Variants in SLIT3 observed in about 807,000 individuals in gnomAD.
The protein encoded by SLIT3 is slit homolog 3 protein.
In SLIT3, 68 loss-of-function variants were observed where a neutral mutation model predicts 184.0. The ratio of observed to expected loss-of-function variants is 0.37; its 90% CI spans 0.30 to 0.45. SLIT3 has a LOEUF of 0.45. Ranked by LOEUF, SLIT3 falls within the 20% of genes least tolerant of loss-of-function variation. The pLI is 1.00. For synonymous variants in SLIT3, 831 were observed against 828.6 expected, an observed-to-expected ratio of 1.00 and a Z score of -0.05; for missense variants, 1,707 against 2,026.0, an observed-to-expected ratio of 0.84 and a Z score of 3.02.
At chr5:168,688,654 T>G (rs1761817049) in intron 29 of SLIT3, among the ~76,000 whole-genome samples, 1 of 152,268 alleles carries the variant, frequency 6.6e-6, no homozygotes, top group Admixed American at 6.5e-5. Flanking sequence ...TCACGTTTAC[T>G]TGATTGGCAA....
chr5:168,817,334 C>T lies in SLIT3; in HGVS notation c.759G>A (p.Val253=), dbSNP rs1757365615. ...MAPVHLRGFN[V]ADVQKKEYVC... Reference sequence around the variant, plus strand: ...CGTACTCCTTCTTCTGCACATCCGCCACGTTGAAGCCCCTCAAATGCACAG... The same window carrying T: ...CGTACTCCTTCTTCTGCACATCCGCTACGTTGAAGCCCCTCAAATGCACAG... The change falls in exon 8 of 36, where the codon GTG becomes GTA. Residue 253 remains valine, a synonymous_variant. Coordinates refer to ENST00000519560, the MANE Select transcript of SLIT3 (RefSeq NM_003062.4). The T allele has an allele frequency of 6.2e-7, 1 of 1,614,060 alleles. No homozygotes were observed. Among genetic ancestry groups the T allele is most frequent in the Non-Finnish European group, 8.5e-7 (1 of 1,180,044 alleles).
At chr5:168,954,740 G>C (rs991925068) in intron 4 of SLIT3, among the ~76,000 whole-genome samples, 1 of 152,172 alleles carries the variant, frequency 6.6e-6, no homozygotes, top group Non-Finnish European at 1.5e-5. Context: ...AGGCAGGAGG[G>C]GGAAGTGGCT....
At chr5:169,254,154 G>GT (rs556413535) in intron 1 of SLIT3, among the ~76,000 whole-genome samples, 3 of 152,208 alleles carry the variant, frequency 2.0e-5, no homozygotes, top group Non-Finnish European at 4.4e-5. Flanking sequence ...TGCATGCTTT[G>GT]TAGGAGCTTT....
Position 169,140,874 on chromosome 5 carries a change from A to G in SLIT3, c.413+52605T>C, listed in dbSNP as rs555099945. Among the ~76,000 whole-genome samples, 2 of 152,262 alleles carry G rather than the reference A, an allele frequency of 1.3e-5. 1 individual carries two copies. Among genetic ancestry groups the G allele is most frequent in the East Asian group, 3.9e-4 (2 of 5,178 alleles). ...CCATTCAAAACCTCAGTGGTTCCTC[A>G]CTGCCTTCTAAATTAAATATAAAAC... is the stretch of plus-strand genomic sequence containing the variant. On this transcript the variant is annotated intron_variant, in intron 4 of 35. Transcript: ENST00000519560.
intron 4 of SLIT3, among the ~76,000 whole-genome samples, chr5:169,148,417 G>A (rs1762002837): frequency 6.6e-6 from 1 of 152,214 alleles, no homozygotes; most frequent in Non-Finnish European, 1.5e-5. Context: ...AGAATAGCCT[G>A]AAAGCTCCAG....
chr5:168,703,342 T>C (rs1306793449), intron 26 of SLIT3, among the ~76,000 whole-genome samples: 2 of 150,976 alleles, frequency 1.3e-5, no homozygotes, highest in South Asian at 2.1e-4. Flanking sequence ...CCCTGGGACA[T>C]GGACTGGTAC....
At chr5:169,133,700 A>G (rs1761389269) in intron 4 of SLIT3, among the ~76,000 whole-genome samples, 1 of 152,200 alleles carries the variant, frequency 6.6e-6, no homozygotes, top group Non-Finnish European at 1.5e-5. Context: ...AACATGGCTG[A>G]GCAAAGCTGT....
chr5:169,072,746 G>C (rs1177496562), intron 4 of SLIT3, among the ~76,000 whole-genome samples: 1 of 152,194 alleles, frequency 6.6e-6, no homozygotes, highest in Non-Finnish European at 1.5e-5. Flanking sequence ...TGCACGGCTG[G>C]AGGCACTGGC....
At chr5:168,735,262 A>G (rs1763395345) in intron 20 of SLIT3, among the ~76,000 whole-genome samples, 1 of 152,172 alleles carries the variant, frequency 6.6e-6, no homozygotes, top group Admixed American at 6.5e-5. Context: ...GGTGTTCCCC[A>G]TTCCTGTTTG....
intron 4 of SLIT3, among the ~76,000 whole-genome samples, chr5:169,189,572 A>G (rs950367901): frequency 4.2e-4 from 38 of 90,584 alleles, no homozygotes; most frequent in African/African-American, 1.6e-3. Flanking sequence ...ATATATATAT[A>G]TATATATGCA....
intron 5 of SLIT3, among the ~76,000 whole-genome samples, chr5:168,852,248 C>T (rs775068096): frequency 1.3e-5 from 2 of 152,186 alleles, no homozygotes; most frequent in African/African-American, 4.8e-5. Context: ...CTTTTGTTAA[C>T]GGGCATGAAA....
chr5:168,708,308 G>T, intron 25 of SLIT3: 1 of 617,288 alleles, frequency 1.6e-6, no homozygotes, highest in Non-Finnish European at 2.9e-6. Context: ...AAAAATCACA[G>T]TGGGACATCA....
intron 23 of SLIT3, among the ~76,000 whole-genome samples, chr5:168,717,667 C>CT (rs753109811): frequency 1.4e-3 from 211 of 146,392 alleles, no homozygotes; most frequent in Middle Eastern, 7.0e-3. Context: ...TCTGTCTTTT[C>CT]TTTTTTTTTT....
At chr5:169,035,039 C>T (rs1172146422) in intron 4 of SLIT3, among the ~76,000 whole-genome samples, 1 of 151,794 alleles carries the variant, frequency 6.6e-6, no homozygotes, top group Non-Finnish European at 1.5e-5. Flanking sequence ...ACCTTGGCCT[C>T]CCAAAGTGCT....
intron 14 of SLIT3, chr5:168,768,024 T>C: frequency 2.8e-6 from 1 of 351,720 alleles, no homozygotes; most frequent in South Asian, 2.1e-5. Flanking sequence ...CCTTTGAGAC[T>C]CCTACCCTCC....
At chr5:169,122,256 T>C (rs997128660) in intron 4 of SLIT3, among the ~76,000 whole-genome samples, 6 of 152,310 alleles carry the variant, frequency 3.9e-5, no homozygotes, top group African/African-American at 1.4e-4. Context: ...AGCCAAGGTC[T>C]CAGACCACAC....
intron 9 of SLIT3, among the ~76,000 whole-genome samples, chr5:168,799,417 A>G (rs1186507434): frequency 6.6e-6 from 1 of 152,230 alleles, no homozygotes; most frequent in Non-Finnish European, 1.5e-5. Context: ...AAACAAACAT[A>G]CAAATCAAAC....
At chr5:169,290,033 G>A (rs751447392) in intron 1 of SLIT3, among the ~76,000 whole-genome samples, 4 of 136,362 alleles carry the variant, frequency 2.9e-5, no homozygotes, top group Admixed American at 7.2e-5. Context: ...ATGCTAGAAC[G>A]TACATTAGGG....
chr5:168,778,566 T>C lies in SLIT3; in HGVS notation c.1152-4188A>G, dbSNP rs898610977. On this transcript the variant is annotated intron_variant, in intron 12 of 35. Coordinates refer to ENST00000519560, the MANE Select transcript of SLIT3 (RefSeq NM_003062.4). ...TTCAGCGTGTGATGCTGATCAAGCC[T>C]TCGTTGGCACGAGGTGGCAGGTTCT... Among the ~76,000 whole-genome samples, 16 of 152,236 alleles carry C rather than the reference T, an allele frequency of 1.1e-4. 1 individual carries two copies. Among genetic ancestry groups the C allele is most frequent in the Admixed American group, 7.8e-4 (12 of 15,288 alleles).
Sources: gnomAD v4.1 joint callset for allele counts (sites outside exome capture counted in the v4.1 genomes callset) on GRCh38, gnomAD v4.1.1 for gene constraint, MANE v1.5 for transcripts, NCBI Gene and HGNC (gene_info 2026-07-23, HGNC 2026-07-21) for gene names.